IGDCC3: variants seen among roughly 807,000 people sequenced by gnomAD.
The protein encoded by IGDCC3 is putative neuronal cell adhesion molecule.
In IGDCC3, 47 loss-of-function variants were observed where a neutral mutation model predicts 72.0. The ratio of observed to expected loss-of-function variants is 0.65; its 90% CI spans 0.52 to 0.83. IGDCC3 has a LOEUF of 0.83. IGDCC3 is among the 40% of genes least tolerant of loss of function. IGDCC3 has a pLI of 0.00. For missense variants in IGDCC3, 1,038 were observed against 1,091.3 expected, an observed-to-expected ratio of 0.95 and a Z score of 0.69; for synonymous variants, 477 against 472.8, an observed-to-expected ratio of 1.01 and a Z score of -0.11.
chr15:65,367,138 GT>G (rs2091292135), intron 2 of IGDCC3, among the ~76,000 whole-genome samples: 1 of 152,124 alleles, frequency 6.6e-6, no homozygotes, highest in Non-Finnish European at 1.5e-5. Flanking sequence ...GAGGATAGAC[GT>G]TTCAGATCAG....
In IGDCC3 at chr15:65,355,185, G is replaced by C. The variant is rs541881837; in HGVS notation, c.410-19229C>G. 2.9e-3 allele frequency among the ~76,000 whole-genome samples: 447 copies of C among 152,272 alleles called. 2 individuals are homozygous for C. The highest frequency in any genetic ancestry group is 9.5e-3 in the South Asian group (46 of 4,828). On this transcript the variant is annotated intron_variant, in intron 2 of 13. Transcript: ENST00000327987. ...GAGCCTGGGGAAGCCCGGCCCCCGC[G>C]GGGCCCCACTGCAGGCATTCAGCTG...
rs759707179 is a variant in IGDCC3 at position 65,377,274 on chromosome 15, C to T, written c.103+412G>A. ...CGGTCTCCGCTCCCCAGGCTGCTGTCCCCTGTCTTGGCTGCCTCGGGCTAT... is the reference window on the plus strand; with the variant it reads ...CGGTCTCCGCTCCCCAGGCTGCTGTTCCCTGTCTTGGCTGCCTCGGGCTAT... On this transcript the variant is annotated intron_variant, in intron 1 of 13. Coordinates refer to ENST00000327987, the MANE Select transcript of IGDCC3 (RefSeq NM_004884.4). The surrounding 1 kb of genome is among the most constrained non-coding windows in gnomAD (Gnocchi z 4.9). Among the ~76,000 whole-genome samples the T allele has an allele frequency of 4.6e-5, 7 of 152,206 alleles. No individual in the cohort carries two copies. The highest frequency in any genetic ancestry group is 8.8e-5 in the Non-Finnish European group (6 of 68,030).
Position 65,333,989 on chromosome 15 carries a change from C to T in IGDCC3, c.824-574G>A, listed in dbSNP as rs139753829. ...CCTCTCCCAGGGACCCGAGCCCTTC[C>T]CCCACCCCCACCAGGATCAGATTAG... On this transcript the variant is annotated intron_variant, in intron 5 of 13. Coordinates refer to ENST00000327987, the MANE Select transcript of IGDCC3 (RefSeq NM_004884.4). Among the ~76,000 whole-genome samples, 310 of 151,702 alleles carry T rather than the reference C, an allele frequency of 2.0e-3. 1 individual carries two copies. Among genetic ancestry groups the T allele is most frequent in the African/African-American group, 7.1e-3 (293 of 41,290 alleles).
At chr15:65,337,523 GC>G (rs1330653117) in intron 2 of IGDCC3, among the ~76,000 whole-genome samples, 1 of 152,160 alleles carries the variant, frequency 6.6e-6, no homozygotes, top group Non-Finnish European at 1.5e-5. Context: ...GGAGGTGGGG[GC>G]AAGTGTCCCA....
At chr15:65,336,847 G>C (rs981016591) in intron 2 of IGDCC3, among the ~76,000 whole-genome samples, 5 of 151,982 alleles carry the variant, frequency 3.3e-5, no homozygotes, top group Admixed American at 6.6e-5. Context: ...CCTGGGGAAG[G>C]AGCCCCTCCC....
chr15:65,368,556 AG>A (rs200635835), intron 2 of IGDCC3, among the ~76,000 whole-genome samples: 2,804 of 152,210 alleles, frequency 0.018, 40 homozygotes, highest in South Asian at 0.04. Flanking sequence ...ACACAGAGTA[AG>A]GGGGCCCTCC....
At chr15:65,334,670 G>C in intron 5 of IGDCC3, 58 bp downstream of exon 5, 1 of 1,418,410 alleles carries the variant, frequency 7.1e-7, no homozygotes, top group Non-Finnish European at 9.4e-7. Flanking sequence ...TCTGAGACCG[G>C]CCCTCCCAGG....
At chr15:65,345,003 C>T (rs1234249356) in intron 2 of IGDCC3, among the ~76,000 whole-genome samples, 1 of 152,118 alleles carries the variant, frequency 6.6e-6, no homozygotes, top group Non-Finnish European at 1.5e-5. Flanking sequence ...AAAAGCAGTC[C>T]CAGTTTCGAG....
At chr15:65,340,143 T>G (rs1393233790) in intron 2 of IGDCC3, among the ~76,000 whole-genome samples, 1 of 152,112 alleles carries the variant, frequency 6.6e-6, no homozygotes, top group African/African-American at 2.4e-5. Context: ...AAACAGTTCC[T>G]GGACACCTCT....
At chr15:65,344,048 G>A (rs2140149257) in intron 2 of IGDCC3, among the ~76,000 whole-genome samples, 1 of 152,300 alleles carries the variant, frequency 6.6e-6, no homozygotes, top group African/African-American at 2.4e-5. Flanking sequence ...GATCATCTGG[G>A]GTGGGGGAAG....
chr15:65,351,044 T>A (rs1002388086), intron 2 of IGDCC3, among the ~76,000 whole-genome samples: 1 of 152,164 alleles, frequency 6.6e-6, no homozygotes, highest in African/African-American at 2.4e-5. Flanking sequence ...AAGAAAAAAA[T>A]CTAAAGTTTA....
chr15:65,342,355 C>A (rs994835913), intron 2 of IGDCC3, among the ~76,000 whole-genome samples: 1 of 151,150 alleles, frequency 6.6e-6, no homozygotes, highest in Non-Finnish European at 1.5e-5. Context: ...CATTGCACTC[C>A]AGCCTGGGCA....
rs1491326161 is a variant in IGDCC3 at position 65,370,620 on chromosome 15, G to GTGTATATA, written c.409+4476_409+4477insTATATACA. Among the ~76,000 whole-genome samples the GTGTATATA allele has an allele frequency of 2.7e-4, 26 of 94,576 alleles. 1 individual carries two copies. Among genetic ancestry groups the GTGTATATA allele is most frequent in the East Asian group, 2.4e-3 (8 of 3,396 alleles). 62.0% of individuals were successfully genotyped at this position (94,576 alleles called of 152,430 possible). A position where few individuals can be genotyped will look rare whatever the true frequency, so the allele number is the denominator to read the frequency against. On this transcript the variant is annotated intron_variant, in intron 2 of 13. Coordinates refer to ENST00000327987, the MANE Select transcript of IGDCC3 (RefSeq NM_004884.4). ...TATGTATGTGTATATATATGTATGT[G>GTGTATATA]TATATATATATATATATATATATAT...
At chr15:65,367,620 T>C (rs602192) in intron 2 of IGDCC3, among the ~76,000 whole-genome samples, 108,706 of 151,882 alleles carry the variant, frequency 0.72, 39,126 homozygotes, top group African/African-American at 0.77. Flanking sequence ...ATGTAAGGCC[T>C]CCCGCCACCC....
rs774711797 is a variant in IGDCC3, at chr15:65,328,928, G to A, written c.2426C>T (p.Pro809Leu). ...CACTGGCTACTGTTCCGAGTGAGCT[G>A]GCTGGGTAACCCGGGCCGCTGCAGG... The part of the protein sequence containing the change: ...SRPAAARVTQ[P>L]AHSEQ Residue 809 changes from proline to leucine, a missense_variant, in exon 14 of 14, where the codon CCA becomes CTA. Transcript: ENST00000327987. 5 of 1,550,210 alleles carry A rather than the reference G, an allele frequency of 3.2e-6. No individual in the cohort carries two copies. Among genetic ancestry groups the A allele is most frequent in the Non-Finnish European group, 4.3e-6 (5 of 1,151,770 alleles).
In IGDCC3 at chr15:65,335,922, G is replaced by A. The variant is rs761290506; in HGVS notation, c.444C>T (p.Thr148=). ...MSDFHVHPQA[T]VGEEGGVARF... The stretch of plus-strand genomic sequence containing the variant: ...GGGCCACACCACCCTCCTCACCCAC[G>A]GTGGCCTGGGGATGCACGTGGAAGT... The change falls in exon 3 of 14, where the codon ACC becomes ACT. Residue 148 remains threonine (T), a synonymous_variant. Transcript: ENST00000327987. 6.2e-6 allele frequency: 10 copies of A among 1,614,036 alleles called. No homozygotes were observed. In the South Asian group the frequency reaches 6.6e-5, roughly 11 times the overall value.
At position 65,330,385 on chromosome 15, in the gene IGDCC3, A is replaced by G. The variant is rs752367435; in HGVS notation, c.1766T>C (p.Val589Ala). The change falls in exon 11 of 14, where the codon GTG (valine) becomes GCG (alanine). Residue 589 changes from valine (V) to alanine (A), a missense_variant. Val to Ala is a moderately conservative substitution (Grantham distance 64, BLOSUM62 0). Coordinates refer to ENST00000327987, the MANE Select transcript of IGDCC3 (RefSeq NM_004884.4). ...GTAGGCGAGCAGCTTCACCTCATACACTGCAGTGGGGTCTGGAGGAAGGCA... is the reference window on the plus strand; with the variant it reads ...GTAGGCGAGCAGCTTCACCTCATACGCTGCAGTGGGGTCTGGAGGAAGGCA... ...YNLSQLDPTA[V>A]YEVKLLAYNQ... The G allele has an allele frequency of 3.7e-6, 6 of 1,613,182 alleles. No individual in the cohort carries two copies. Among genetic ancestry groups the G allele is most frequent in the East Asian group, 2.2e-5 (1 of 44,844 alleles).
chr15:65,329,223 CT>C lies in IGDCC3; in HGVS notation c.2206-76del. On this transcript the variant is annotated intron_variant, in intron 13 of 13. Coordinates refer to ENST00000327987, the MANE Select transcript of IGDCC3 (RefSeq NM_004884.4). This position sits in a 1 kb window ranked among gnomAD's most constrained non-coding sequence, Gnocchi z 4.1. ...AGGCTCCAACTCACCCCACTTGGGC[CT>C]TAGGGTCTCCAGGTCTCCCTGCCTG... 1 of 1,533,878 alleles carries C rather than the reference CT, an allele frequency of 6.5e-7. No individual in the cohort carries two copies. Among genetic ancestry groups the C allele is most frequent in the Non-Finnish European group, 8.7e-7 (1 of 1,144,708 alleles).
At chr15:65,370,586 A>ATGTATATATATGTATG (rs1162788587) in intron 2 of IGDCC3, among the ~76,000 whole-genome samples, 1 of 123,224 alleles carries the variant, frequency 8.1e-6, no homozygotes. Flanking sequence ...ATATATATGT[A>ATGTATATATATGTATG]TGTATATATA....
Sources: gnomAD v4.1 joint callset for allele counts (sites outside exome capture counted in the v4.1 genomes callset) on GRCh38, gnomAD v4.1.1 for gene constraint, Gnocchi (gnomAD v3.1) non-coding constraint, MANE v1.5 for transcripts, NCBI Gene and HGNC (gene_info 2026-07-23, HGNC 2026-07-21) for gene names.